CFAP52: variants seen among roughly 807,000 people sequenced by gnomAD.
CFAP52 encodes the protein cilia and flagella associated protein 52.
Under a neutral mutation model 70.5 loss-of-function variants are expected in CFAP52, and 57 were observed. The observed-to-expected ratio is 0.81, with a 90% CI of 0.65 to 1.01. The LOEUF (loss-of-function observed/expected upper bound fraction) is 1.01. Among genes scored for constraint, CFAP52 ranks in the 50% least tolerant of loss-of-function variants. The pLI is 0.00. For synonymous variants in CFAP52, 267 were observed against 292.5 expected (o/e 0.91, Z 0.89); for missense variants, 785 against 788.5 (o/e 1.00, Z 0.05).
At chr17:9,586,637 G>T in intron 2 of CFAP52, 61 bp from the exon 3 acceptor site, 2 of 1,499,616 alleles carry the variant, frequency 1.3e-6, no homozygotes, top group South Asian at 2.8e-5. Flanking sequence ...AAGAAGGGTA[G>T]CTATCTCCTC....
chr17:9,626,349 CCTCCCAAGTAG>C (rs1910232298), intron 8 of CFAP52, among the ~76,000 whole-genome samples: 1 of 152,206 alleles, frequency 6.6e-6, no homozygotes, highest in Non-Finnish European at 1.5e-5. Context: ...CCTTCCTCAG[CCTCCCAAGTAG>C]CTGGGACTAC....
At chr17:9,635,937 C>G (rs1555544701) in intron 11 of CFAP52, among the ~76,000 whole-genome samples, 1 of 152,080 alleles carries the variant, frequency 6.6e-6, no homozygotes, top group Non-Finnish European at 1.5e-5. Flanking sequence ...CTTTGGGAGG[C>G]TGAGGTGGGC....
intron 6 of CFAP52, 25 bp from the exon 7 acceptor site, chr17:9,608,094 T>G (rs200308260): frequency 6.3e-7 from 1 of 1,588,334 alleles, no homozygotes; most frequent in East Asian, 2.2e-5. Context: ...TTTGTGCTTT[T>G]TCTTAACACA....
At chr17:9,586,996 A>AT (rs1908523925) in intron 3 of CFAP52, among the ~76,000 whole-genome samples, 162 bp downstream of exon 3, 1 of 101,764 alleles carries the variant, frequency 9.8e-6, no homozygotes, top group Admixed American at 1.2e-4. Flanking sequence ...CCCAGTAGTT[A>AT]TTTTTTCTGA....
intron 13 of CFAP52, among the ~76,000 whole-genome samples, chr17:9,642,366 G>A (rs1911110486): frequency 6.6e-6 from 1 of 152,164 alleles, no homozygotes; most frequent in Non-Finnish European, 1.5e-5. Flanking sequence ...GCTCATGCCT[G>A]TAATCCTAGC....
At chr17:9,585,635 GCACCCCAGGCTGGGTGA>G in intron 1 of CFAP52, 121 bp from the exon 2 acceptor site, 1 of 856,080 alleles carries the variant, frequency 1.2e-6, no homozygotes, top group Non-Finnish European at 1.9e-6. Flanking sequence ...CTGCACCATT[GCACCCCAGGCTGGGTGA>G]CAAGTGCAAG....
At chr17:9,605,277 C>T (rs1909437720) in intron 6 of CFAP52, among the ~76,000 whole-genome samples, 1 of 152,002 alleles carries the variant, frequency 6.6e-6, no homozygotes, top group Non-Finnish European at 1.5e-5. Context: ...AAGAAATGAG[C>T]TATAAAGTCA....
At chr17:9,631,233 TG>T (rs1910526641) in intron 9 of CFAP52, among the ~76,000 whole-genome samples, 1 of 151,948 alleles carries the variant, frequency 6.6e-6, no homozygotes, top group South Asian at 2.1e-4. Context: ...CCTTCTTACC[TG>T]GAGCTCTTCC....
chr17:9,612,265 A>G, intron 7 of CFAP52, 44 bp from the exon 8 acceptor site: 2 of 1,601,608 alleles, frequency 1.2e-6, no homozygotes, highest in Non-Finnish European at 1.7e-6. Context: ...GTAACTACTT[A>G]CTGGTTGAGT....
intron 7 of CFAP52, among the ~76,000 whole-genome samples, 153 bp downstream of exon 7, chr17:9,608,372 G>A (rs1184222052): frequency 6.6e-6 from 1 of 152,202 alleles, no homozygotes; most frequent in Non-Finnish European, 1.5e-5. Context: ...ACAATAGATG[G>A]TGGCTTCTTT....
At position 9,594,284 on chromosome 17, in the gene CFAP52, T is replaced by G; in HGVS notation, c.499T>G (p.Ser167Ala). Reference protein sequence around the residue: ...NVGNATNVIFSRCRDEMFMTA... With the variant: ...NVGNATNVIFARCRDEMFMTA... ...TGGCAATGCCACCAATGTGATCTTC[T>G]CCAGGTGCCGGGATGAGATGTTTAT... The change falls in exon 4 of 14, where the codon TCC (serine) becomes GCC (alanine). Residue 167 changes from serine (S) to alanine (A), a missense_variant. By Grantham distance (99) the Ser-to-Ala change is moderately conservative. Transcript: ENST00000352665. 6.2e-7 allele frequency: 1 copy of G among 1,614,088 alleles called. No homozygotes were observed. Among genetic ancestry groups the G allele is most frequent in the Non-Finnish European group, 8.5e-7 (1 of 1,180,006 alleles).
At chr17:9,581,802 T>C (rs1908239262) in intron 1 of CFAP52, among the ~76,000 whole-genome samples, 1 of 152,184 alleles carries the variant, frequency 6.6e-6, no homozygotes, top group Non-Finnish European at 1.5e-5. Flanking sequence ...TGGCAGCCAA[T>C]TGAGAGATGT....
At position 9,628,811 on chromosome 17, in the gene CFAP52, A is replaced by G. The variant is rs1198409332; in HGVS notation, c.1165A>G (p.Ile389Val). ...GIDFMRDGKS[I>V]ISAWNDGKIR... Reference sequence around the variant, plus strand: ...CGACTTCATGAGGGACGGCAAAAGCATCATTTCAGGTAACGTCCACATGTC... The same window carrying G: ...CGACTTCATGAGGGACGGCAAAAGCGTCATTTCAGGTAACGTCCACATGTC... The change falls in exon 9 of 14, where the codon ATC (isoleucine) becomes GTC (valine). Residue 389 changes from isoleucine to valine, a missense_variant. Coordinates refer to ENST00000352665, the MANE Select transcript of CFAP52 (RefSeq NM_145054.5). 5.0e-6 allele frequency: 8 copies of G among 1,614,146 alleles called. No individual in the cohort carries two copies. The South Asian group carries it at 5.5e-5, about 11-fold the overall frequency.
intron 13 of CFAP52, among the ~76,000 whole-genome samples, chr17:9,642,390 A>G (rs1911111400): frequency 6.6e-6 from 1 of 152,124 alleles, no homozygotes; most frequent in African/African-American, 2.4e-5. Context: ...TTGGGAGGCC[A>G]AGGCAGGTGG....
chr17:9,629,752 C>CT (rs1023370874), intron 9 of CFAP52, among the ~76,000 whole-genome samples: 11 of 151,850 alleles, frequency 7.2e-5, no homozygotes, highest in Admixed American at 6.6e-4. Context: ...TCACGATGGG[C>CT]TAATTTTTTG....
rs1242008257 is a variant in CFAP52 at position 9,598,318 on chromosome 17, A to G, written c.621A>G (p.Ile207Met). 11 of 1,611,806 alleles carry G rather than the reference A, an allele frequency of 6.8e-6. No homozygotes were observed. The highest frequency in any genetic ancestry group is 6.7e-5 in the East Asian group (3 of 44,874). Reference protein sequence around the residue: ...TECQTGQLKRIVMSIGVDDDD... With the variant: ...TECQTGQLKRMVMSIGVDDDD... ...GCCAAACAGGACAGTTGAAAAGAAT[A>G]GTCATGAGTATTGGAGTAAGTATTA... Residue 207 changes from isoleucine to methionine, a missense_variant, in exon 5 of 14, where the codon ATA becomes ATG. Coordinates refer to ENST00000352665, the MANE Select transcript of CFAP52 (RefSeq NM_145054.5).
intron 9 of CFAP52, among the ~76,000 whole-genome samples, chr17:9,631,052 G>GAGAGAGAGAGAGAGAAAGAAAGAAAGAA (rs370935367): frequency 5.3e-5 from 2 of 37,956 alleles, no homozygotes; most frequent in African/African-American, 2.6e-4. Context: ...GAGAGAGAGA[G>GAGAGAGAGAGAGAGAAAGAAAGAAAGAA]AGAAAGAAAG....
chr17:9,579,352 A>G (rs1908111387), intron 1 of CFAP52, among the ~76,000 whole-genome samples: 1 of 152,006 alleles, frequency 6.6e-6, no homozygotes, highest in Non-Finnish European at 1.5e-5. Context: ...AAAAGTGGAG[A>G]GTGCAGGGCC....
chr17:9,612,623 G>C, intron 8 of CFAP52, 144 bp downstream of exon 8: 4 of 948,814 alleles, frequency 4.2e-6, no homozygotes, highest in South Asian at 1.9e-5. Context: ...TATTTTAAGA[G>C]ACTTTCCATT....
Sources: allele counts gnomAD v4.1 joint callset (sites outside exome capture counted in the v4.1 genomes callset), GRCh38; gene constraint gnomAD v4.1.1; transcripts MANE v1.5; gene names NCBI Gene and HGNC (gene_info 2026-07-23, HGNC 2026-07-21).